The following MMP26 variants were observed in gnomAD, a reference collection of about 807,000 sequenced individuals.
The protein encoded by MMP26 is matrix metallopeptidase 26, also known as matrix metalloproteinase-26.
Under a neutral mutation model 31.0 loss-of-function variants are expected in MMP26, and 33 were observed. The ratio of observed to expected loss-of-function variants is 1.06; its 90% CI spans 0.81 to 1.42. The LOEUF is 1.42. MMP26 is among the 40% of genes most tolerant of loss of function. The pLI, the probability that MMP26 is intolerant of heterozygous loss-of-function variation, is 0.00. For missense variants in MMP26, 347 were observed against 316.1 expected (o/e 1.10, Z -0.74); for synonymous variants, 122 against 114.9 (o/e 1.06, Z -0.40).
chr11:4,858,818 G>A (rs369174077), intron 2 of MMP26, among the ~76,000 whole-genome samples: 9 of 152,000 alleles, frequency 5.9e-5, no homozygotes, highest in African/African-American at 1.5e-4. Context: ...CTGACTTCAA[G>A]CTATACTACA....
chr11:4,714,407 C>T (rs1847898989), intron 1 of MMP26, among the ~76,000 whole-genome samples: 2 of 152,132 alleles, frequency 1.3e-5, no homozygotes, highest in Non-Finnish European at 2.9e-5. Flanking sequence ...TTTATAACTG[C>T]CACTGAAGGT....
intron 1 of MMP26, among the ~76,000 whole-genome samples, chr11:4,708,937 T>C (rs1456839420): frequency 6.6e-6 from 1 of 152,242 alleles, no homozygotes; most frequent in Non-Finnish European, 1.5e-5. Context: ...AAACCTTTTT[T>C]CTACTGTCAC....
intron 2 of MMP26, among the ~76,000 whole-genome samples, chr11:4,825,468 G>A (rs1589912800): frequency 6.6e-6 from 1 of 152,050 alleles, no homozygotes; most frequent in East Asian, 1.9e-4. Flanking sequence ...TTCCTACAGA[G>A]AACCTTTGAT....
intron 1 of MMP26, among the ~76,000 whole-genome samples, chr11:4,749,648 G>C (rs1381871856): frequency 3.3e-5 from 5 of 152,136 alleles, no homozygotes; most frequent in South Asian, 4.1e-4. Context: ...GCTGATCTGT[G>C]ACAGTGTTGA....
chr11:4,908,948 CT>C (rs1207470683), intron 2 of MMP26: 1 of 153,880 alleles, frequency 6.5e-6, no homozygotes, highest in Non-Finnish European at 1.4e-5. Flanking sequence ...AATAATCCTG[CT>C]GTGAAGTGAT....
chr11:4,922,921 A>G (rs1342376462), intron 2 of MMP26, among the ~76,000 whole-genome samples: 2 of 152,198 alleles, frequency 1.3e-5, no homozygotes, highest in African/African-American at 2.4e-5. Context: ...ATATGTTGTA[A>G]ATGAATAAAA....
intron 2 of MMP26, chr11:4,924,369 G>C: frequency 6.4e-7 from 1 of 1,551,442 alleles, no homozygotes; most frequent in Non-Finnish European, 8.7e-7. Context: ...CAGAAACCTG[G>C]AATATAGAAT....
intron 2 of MMP26, among the ~76,000 whole-genome samples, chr11:4,898,109 T>C (rs540556332): frequency 6.6e-6 from 1 of 151,750 alleles, no homozygotes; most frequent in Admixed American, 6.6e-5. Flanking sequence ...GAAGGTCTTA[T>C]GGCTATGGAT....
chr11:4,806,623 C>A (rs569006719), intron 2 of MMP26, among the ~76,000 whole-genome samples: 2 of 152,018 alleles, frequency 1.3e-5, no homozygotes, highest in African/African-American at 2.4e-5. Flanking sequence ...TGTCTCTGCA[C>A]GTGAGATGGG....
At chr11:4,747,211 A>C (rs73393012) in intron 1 of MMP26, among the ~76,000 whole-genome samples, 13 of 152,146 alleles carry the variant, frequency 8.5e-5, no homozygotes, top group Non-Finnish European at 1.6e-4. Flanking sequence ...GGTATAGAGA[A>C]TTAGCCAGTA....
intron 2 of MMP26, chr11:4,882,324 T>C: frequency 6.2e-7 from 1 of 1,614,002 alleles, no homozygotes; most frequent in East Asian, 2.2e-5. Flanking sequence ...ACAGACAGGA[T>C]GGTCCTGGTG....
chr11:4,877,948 G>T (rs1247459061), intron 2 of MMP26: 1 of 152,188 alleles, frequency 6.6e-6, no homozygotes, highest in Non-Finnish European at 1.5e-5. Context: ...CAAATGCGTT[G>T]TGTTCCCACC....
chr11:4,784,600 T>C (rs1420518550), intron 2 of MMP26, among the ~76,000 whole-genome samples: 1 of 152,140 alleles, frequency 6.6e-6, no homozygotes, highest in Non-Finnish European at 1.5e-5. Context: ...CCAAGAAAGA[T>C]CTGAAGCCGT....
intron 2 of MMP26, chr11:4,804,034 C>G: frequency 6.2e-7 from 1 of 1,613,896 alleles, no homozygotes; most frequent in Non-Finnish European, 8.5e-7. Flanking sequence ...CATGAGCACC[C>G]CAGACTCCAC....
intron 2 of MMP26, among the ~76,000 whole-genome samples, chr11:4,959,494 G>T (rs1239853409): frequency 6.6e-6 from 1 of 151,962 alleles, no homozygotes; most frequent in Non-Finnish European, 1.5e-5. Flanking sequence ...CCTCTCTTCT[G>T]CTAGGCTATA....
chr11:4,758,054 A>C (rs772153665), intron 1 of MMP26, among the ~76,000 whole-genome samples: 14 of 152,224 alleles, frequency 9.2e-5, no homozygotes, highest in Non-Finnish European at 1.8e-4. Context: ...CATGTATACA[A>C]GTGTTCATAA....
At chr11:4,983,319 T>G (rs190894812) in intron 2 of MMP26, among the ~76,000 whole-genome samples, 117 of 152,252 alleles carry the variant, frequency 7.7e-4, no homozygotes, top group African/African-American at 2.8e-3. Context: ...GCTCAAACTA[T>G]GGTATTGCGG....
intron 1 of MMP26, among the ~76,000 whole-genome samples, chr11:4,722,112 T>G (rs1848020764): frequency 6.6e-6 from 1 of 152,222 alleles, no homozygotes; most frequent in Non-Finnish European, 1.5e-5. Flanking sequence ...GTCGCTATAC[T>G]TCTTGCATAG....
chr11:4,928,733 A>G (rs181839008), intron 2 of MMP26, among the ~76,000 whole-genome samples: 260 of 152,276 alleles, frequency 1.7e-3, no homozygotes, highest in African/African-American at 5.6e-3. Context: ...TTGTACTTCA[A>G]GGTTCTGCTG....
Sources: gnomAD v4.1 joint callset for allele counts (sites outside exome capture counted in the v4.1 genomes callset) on GRCh38, gnomAD v4.1.1 for gene constraint, MANE v1.5 for transcripts, NCBI Gene and HGNC (gene_info 2026-07-23, HGNC 2026-07-21) for gene names.